The following GNG2 variants were observed in gnomAD, a reference collection of about 807,000 sequenced individuals.
GNG2 encodes the protein G protein subunit gamma 2, also known as guanine nucleotide-binding protein G(I)/G(S)/G(O) subunit gamma-2.
In GNG2, 5 loss-of-function variants were observed where a neutral mutation model predicts 5.5. That is an observed-to-expected ratio of 0.91 (90% CI 0.48 to 1.92). GNG2 has a LOEUF of 1.92. Among genes scored for constraint, GNG2 ranks in the 30% most tolerant of loss-of-function variants. GNG2 has a pLI of 0.01. For missense variants in GNG2, 55 were observed against 88.4 expected (o/e 0.62, Z 1.52); for synonymous variants, 28 against 32.0 (o/e 0.88, Z 0.42).
chr14:51,945,133 C>CAAAAAAA (rs138395214), intron 2 of GNG2, among the ~76,000 whole-genome samples: 4 of 150,236 alleles, frequency 2.7e-5, no homozygotes, highest in Admixed American at 1.3e-4. Flanking sequence ...AACAAACAAA[C>CAAAAAAA]AAAAAAAACG....
chr14:51,866,382 C>A (rs1882887323), intron 1 of GNG2, among the ~76,000 whole-genome samples: 1 of 152,156 alleles, frequency 6.6e-6, no homozygotes. Context: ...ACCATTCAAC[C>A]AAGTCCCTAC....
rs1359049121 is a variant in GNG2 at position 51,969,025 on chromosome 14, G to A, written c.*2338G>A. On this transcript the variant is annotated 3_prime_UTR_variant, in exon 4 of 4. Transcript: ENST00000556766. ...ATACGAAAATCTTTATATGAGTTTT[G>A]GCTTCTTGGTATTTGTACTTATTCA... 1.3e-5 allele frequency: 2 copies of A among 152,010 alleles called. No individual in the cohort carries two copies. Among genetic ancestry groups the A allele is most frequent in the East Asian group, 3.9e-4 (2 of 5,182 alleles). The allele number at this position is 152,010 out of a possible 1,614,324, so 9.4% of individuals were successfully genotyped here. A position where few individuals can be genotyped will look rare whatever the true frequency, so the allele number is the denominator to read the frequency against.
intron 2 of GNG2, among the ~76,000 whole-genome samples, chr14:51,894,620 C>T (rs1885066232): frequency 6.6e-6 from 1 of 151,946 alleles, no homozygotes; most frequent in African/African-American, 2.4e-5. Context: ...AAAATCCTAA[C>T]AGAGGAAACT....
At chr14:51,906,773 T>TTTTTTTTTTTTTTG (rs1594899112) in intron 2 of GNG2, among the ~76,000 whole-genome samples, 2 of 148,492 alleles carry the variant, frequency 1.3e-5, no homozygotes, top group East Asian at 2.0e-4. Flanking sequence ...TTTTTTTTTT[T>TTTTTTTTTTTTTTG]GAGACGGAGT....
chr14:51,930,119 G>A (rs1051590364), intron 2 of GNG2, among the ~76,000 whole-genome samples: 3 of 152,222 alleles, frequency 2.0e-5, no homozygotes, highest in Admixed American at 6.5e-5. Flanking sequence ...CCCTAAGCAG[G>A]CATGAGCTGG....
chr14:51,841,543 T>G lies in GNG2; in HGVS notation c.64+13736T>G, dbSNP rs1359917654. 4 of 702,048 alleles carry G rather than the reference T, an allele frequency of 5.7e-6. No homozygotes were observed. The Admixed American group carries it at 8.0e-5, about 14-fold the overall frequency. The allele number at this position is 702,048 out of a possible 1,614,324, so 43.5% of individuals were successfully genotyped here. A position where few individuals can be genotyped will look rare whatever the true frequency, so the allele number is the denominator to read the frequency against. On this transcript the variant is annotated intron_variant, in intron 2 of 3. Transcript: ENST00000553432. ...GAGCATAGAAAAGTCACACAGCTAA[T>G]TAAGTGTTGGAGCCCGGATTTGAAC... is the stretch of plus-strand genomic sequence containing the variant.
intron 2 of GNG2, among the ~76,000 whole-genome samples, chr14:51,852,271 C>T (rs1037295639): frequency 6.6e-6 from 1 of 152,178 alleles, no homozygotes; most frequent in African/African-American, 2.4e-5. Context: ...AAGAGCCCTA[C>T]AGAAACTTGA....
chr14:51,946,626 C>G (rs1888659355), intron 2 of GNG2, among the ~76,000 whole-genome samples: 1 of 152,164 alleles, frequency 6.6e-6, no homozygotes, highest in Non-Finnish European at 1.5e-5. Context: ...CTTCCTCTCT[C>G]CTCCTCACCA....
chr14:51,952,404 G>A (rs1027249397), intron 3 of GNG2, among the ~76,000 whole-genome samples: 48 of 152,196 alleles, frequency 3.2e-4, no homozygotes, highest in African/African-American at 1.1e-3. Context: ...CTCTCTTGCT[G>A]AAAAAGCACA....
At chr14:51,897,423 G>A (rs772921747) in intron 2 of GNG2, among the ~76,000 whole-genome samples, 43 of 152,158 alleles carry the variant, frequency 2.8e-4, no homozygotes, top group Non-Finnish European at 5.0e-4. Flanking sequence ...CGGGGTGGGG[G>A]CATCATGGGA....
chr14:51,829,821 C>T (rs993661572), intron 2 of GNG2, among the ~76,000 whole-genome samples: 1 of 150,528 alleles, frequency 6.6e-6, no homozygotes, highest in Non-Finnish European at 1.5e-5. Context: ...ACCTATGCTC[C>T]TAGTTGATCA....
chr14:51,849,765 A>C (rs1239394263), intron 2 of GNG2, among the ~76,000 whole-genome samples: 5 of 151,800 alleles, frequency 3.3e-5, no homozygotes, highest in African/African-American at 1.2e-4. Context: ...TGTATATTCA[A>C]ATGTATAAAT....
At chr14:51,942,476 G>A (rs1447246201) in intron 2 of GNG2, among the ~76,000 whole-genome samples, 1 of 151,870 alleles carries the variant, frequency 6.6e-6, no homozygotes, top group Non-Finnish European at 1.5e-5. Context: ...GTACCTTCCT[G>A]GTTGGTTACC....
At chr14:51,918,612 A>G (rs1886802513) in intron 2 of GNG2, 1 of 151,224 alleles carries the variant, frequency 6.6e-6, no homozygotes, top group Non-Finnish European at 1.5e-5. Context: ...AAATAAACTA[A>G]CTTATATAAC....
intron 2 of GNG2, among the ~76,000 whole-genome samples, chr14:51,924,008 A>G (rs1887171599): frequency 6.6e-6 from 1 of 152,206 alleles, no homozygotes; most frequent in Non-Finnish European, 1.5e-5. Flanking sequence ...TTATAAAATT[A>G]TGATCCTTTT....
intron 2 of GNG2, among the ~76,000 whole-genome samples, chr14:51,903,598 A>G (rs181322230): frequency 5.3e-5 from 8 of 152,346 alleles, no homozygotes; most frequent in Admixed American, 5.2e-4. Flanking sequence ...ATGGCAGTGA[A>G]CACACACAGT....
At chr14:51,857,005 C>T (rs962127997), upstream of GNG2, among the ~76,000 whole-genome samples, 2 of 152,176 alleles carry the variant, frequency 1.3e-5, no homozygotes, top group Non-Finnish European at 2.9e-5. Flanking sequence ...GGAATTTCTG[C>T]CAATGATGCC....
chr14:51,960,888 A>G (rs1338499502), intron 3 of GNG2, among the ~76,000 whole-genome samples: 1 of 152,140 alleles, frequency 6.6e-6, no homozygotes, highest in East Asian at 1.9e-4. Flanking sequence ...TATTCTTTGC[A>G]TAGCCTCAAG....
At chr14:51,870,937 C>T (rs1480193409) in intron 1 of GNG2, among the ~76,000 whole-genome samples, 1 of 152,154 alleles carries the variant, frequency 6.6e-6, no homozygotes, top group Non-Finnish European at 1.5e-5. Flanking sequence ...GGTAGGAGTA[C>T]TTTTTAAAAT....
Sources: allele counts gnomAD v4.1 joint callset (sites outside exome capture counted in the v4.1 genomes callset), GRCh38; gene constraint gnomAD v4.1.1; transcripts MANE v1.5; gene names NCBI Gene and HGNC (gene_info 2026-07-23, HGNC 2026-07-21).